Variants in MYO18B observed in about 807,000 individuals in gnomAD.
MYO18B encodes myosin XVIIIB, also known as unconventional myosin-XVIIIb.
Under a neutral mutation model 273.0 loss-of-function variants are expected in MYO18B, and 204 were observed. The ratio of observed to expected loss-of-function variants is 0.75; its 90% CI spans 0.67 to 0.84. The LOEUF is 0.84. Among genes scored for constraint, MYO18B ranks in the 40% least tolerant of loss-of-function variants. The pLI is 0.00. For synonymous variants in MYO18B, 1,330 were observed against 1,305.7 expected (o/e 1.02, Z -0.40); for missense variants, 3,212 against 3,287.6 (o/e 0.98, Z 0.56).
intron 34 of MYO18B, among the ~76,000 whole-genome samples, chr22:25,936,174 CG>C (rs921013712): frequency 1.3e-5 from 2 of 152,082 alleles, no homozygotes; most frequent in African/African-American, 4.8e-5. Context: ...AGACGGGGAT[CG>C]GGGAGGGCCT....
At chr22:25,807,571 T>C (rs796164460) in intron 12 of MYO18B, among the ~76,000 whole-genome samples, 7 of 152,286 alleles carry the variant, frequency 4.6e-5, no homozygotes, top group African/African-American at 1.7e-4. Context: ...CCAGGCTTCA[T>C]GTGGTCTCAG....
At chr22:25,754,975 G>A (rs969772952) in intron 1 of MYO18B, among the ~76,000 whole-genome samples, 21 of 152,318 alleles carry the variant, frequency 1.4e-4, no homozygotes, top group African/African-American at 4.8e-4. Flanking sequence ...GCCAGGCCTG[G>A]GCTGGAGAGG....
At chr22:25,761,967 C>A (rs1046098305) in intron 2 of MYO18B, among the ~76,000 whole-genome samples, 2 of 152,122 alleles carry the variant, frequency 1.3e-5, no homozygotes, top group African/African-American at 4.8e-5. Flanking sequence ...ACTAAAAATA[C>A]AAAAAATTAA....
In MYO18B at chr22:25,921,405, G is replaced by T. The variant is rs369683570; in HGVS notation, c.5513G>T (p.Ser1838Ile). 2 of 1,600,862 alleles carry T rather than the reference G, an allele frequency of 1.2e-6. No homozygotes were observed. The highest frequency in any genetic ancestry group is 1.3e-5 in the African/African-American group (1 of 74,710). The part of the protein sequence containing the change: ...VSKEELEKVH[S>I]QLEQSEAKCE... Reference sequence around the variant, plus strand: ...AAGGAGGAGCTGGAGAAAGTGCACAGCCAGGTGGGTGTCACGGGATCCCCT... The same window carrying T: ...AAGGAGGAGCTGGAGAAAGTGCACATCCAGGTGGGTGTCACGGGATCCCCT... Residue 1838 changes from serine to isoleucine, a missense_variant, in exon 34 of 44, where the codon AGC becomes ATC. Transcript: ENST00000335473.
chr22:25,786,063 G>A (rs1336677124), intron 11 of MYO18B, among the ~76,000 whole-genome samples: 1 of 152,134 alleles, frequency 6.6e-6, no homozygotes, highest in Admixed American at 6.5e-5. Context: ...TGGTTCACTG[G>A]TTTGATATTT....
the MYO18B span, among the ~76,000 whole-genome samples, chr22:26,043,323 G>A: frequency 6.6e-6 from 1 of 152,012 alleles, no homozygotes; most frequent in Non-Finnish European, 1.5e-5. Flanking sequence ...TATTTAGACT[G>A]TTTCCAGTTT....
chr22:25,873,195 C>T (rs915396273), intron 22 of MYO18B, among the ~76,000 whole-genome samples: 1 of 152,204 alleles, frequency 6.6e-6, no homozygotes, highest in Non-Finnish European at 1.5e-5. Context: ...ATTCCTGTTC[C>T]CTGCAGTCTA....
At chr22:26,052,417 G>A in the MYO18B span, among the ~76,000 whole-genome samples, 150 of 152,260 alleles carry the variant, frequency 9.9e-4, no homozygotes, top group African/African-American at 3.3e-3. Context: ...TTATAGGTTG[G>A]CCTGTTGCTG....
intron 40 of MYO18B, among the ~76,000 whole-genome samples, chr22:25,993,160 GC>G (rs1468103751): frequency 6.6e-6 from 1 of 152,046 alleles, no homozygotes; most frequent in Non-Finnish European, 1.5e-5. Context: ...GCTACTGCAG[GC>G]CACAGGTGGA....
chr22:25,839,851 A>G (rs946806683), intron 17 of MYO18B, among the ~76,000 whole-genome samples: 2 of 152,214 alleles, frequency 1.3e-5, no homozygotes, highest in African/African-American at 4.8e-5. Flanking sequence ...GCTCAACTGC[A>G]CTGTTGGCGA....
At chr22:26,054,481 C>T in the MYO18B span, among the ~76,000 whole-genome samples, 1 of 152,188 alleles carries the variant, frequency 6.6e-6, no homozygotes, top group Non-Finnish European at 1.5e-5. Context: ...AATGAGCTCT[C>T]CTCTGTGAAC....
At position 25,921,413 on chromosome 22, in the gene MYO18B, G is replaced by T. The variant is rs758672103; in HGVS notation, c.5517+4G>T. ...GCTGGAGAAAGTGCACAGCCAGGTG[G>T]GTGTCACGGGATCCCCTTGAGAATC... is the stretch of plus-strand genomic sequence containing the variant. On this transcript the variant is annotated splice_donor_region_variant and intron_variant, in intron 34 of 43. Transcript: ENST00000335473. The T allele has an allele frequency of 2.6e-5, 41 of 1,598,896 alleles. No individual in the cohort carries two copies. In the Admixed American group the frequency reaches 3.6e-4, roughly 14 times the overall value.
Position 26,027,026 on chromosome 22 carries a change from G to A in MYO18B, c.7052G>A (p.Cys2351Tyr). ...AAGTCGAAAACCCAATTCAGTTCCT[G>A]CGAGTCCCTCTTAGAATCCAGACCG... ...PEKSKTQFSS[C>Y]ESLLESRPSM... is the part of the protein sequence containing the mutation. The change falls in exon 43 of 44, where the codon TGC becomes TAC. Residue 2351 changes from cysteine to tyrosine, a missense_variant. Physicochemically the swap from Cys to Tyr is radical, Grantham distance 194. Coordinates refer to ENST00000335473, the MANE Select transcript of MYO18B (RefSeq NM_032608.7). This position sits in a 1 kb window ranked among gnomAD's most constrained non-coding sequence, Gnocchi z 4.1. 3 of 1,613,980 alleles carry A rather than the reference G, an allele frequency of 1.9e-6. No individual in the cohort carries two copies. Among genetic ancestry groups the A allele is most frequent in the Non-Finnish European group, 1.7e-6 (2 of 1,179,908 alleles).
At position 26,030,964 on chromosome 22, in the gene MYO18B, G is replaced by A. The variant is rs1936644421; in HGVS notation, c.*534G>A. The A allele has an allele frequency of 5.0e-6, 2 of 398,466 alleles. No homozygotes were observed. Among genetic ancestry groups the A allele is most frequent in the East Asian group, 3.6e-5 (1 of 28,068 alleles). 24.7% of individuals were successfully genotyped at this position (398,466 alleles called of 1,614,324 possible). ...TTCTCTATCCTGTGTATGTATAAGTGTGTACAAGCATTCAAGAAACTGATG... is the reference window on the plus strand; with the variant it reads ...TTCTCTATCCTGTGTATGTATAAGTATGTACAAGCATTCAAGAAACTGATG... On this transcript the variant is annotated 3_prime_UTR_variant, in exon 44 of 44. Transcript: ENST00000335473.
At chr22:26,045,891 G>C in the MYO18B span, among the ~76,000 whole-genome samples, 16 of 152,340 alleles carry the variant, frequency 1.1e-4, no homozygotes, top group East Asian at 3.1e-3. Context: ...CTGGGCTTCT[G>C]TGAGTGTTTG....
intron 34 of MYO18B, among the ~76,000 whole-genome samples, chr22:25,931,560 G>A (rs1030230242): frequency 3.3e-5 from 5 of 152,220 alleles, no homozygotes; most frequent in Non-Finnish European, 5.9e-5. Flanking sequence ...CAGTGTGTGG[G>A]AGTGTGACTG....
chr22:25,911,065 T>C lies in MYO18B; in HGVS notation c.5364+15T>C, dbSNP rs762307264. ...TCTGTGACCAGGTAAGGGGGAGACA[T>C]TGGCAGACATTCAGAGGAGTATCTC... is the stretch of plus-strand genomic sequence containing the variant. On this transcript the variant is annotated intron_variant, in intron 33 of 43. Coordinates refer to ENST00000335473, the MANE Select transcript of MYO18B (RefSeq NM_032608.7). 13 of 1,570,096 alleles carry C rather than the reference T, an allele frequency of 8.3e-6. No homozygotes were observed. The highest frequency in any genetic ancestry group is 1.1e-5 in the Non-Finnish European group (13 of 1,150,668).
chr22:25,860,711 A>T (rs893597355), intron 21 of MYO18B, among the ~76,000 whole-genome samples: 1 of 152,032 alleles, frequency 6.6e-6, no homozygotes, highest in African/African-American at 2.4e-5. Context: ...CAGTACTTTT[A>T]AATTTATTTT....
At chr22:25,854,975 A>C (rs1430840816) in intron 21 of MYO18B, among the ~76,000 whole-genome samples, 1 of 152,156 alleles carries the variant, frequency 6.6e-6, no homozygotes, top group Admixed American at 6.5e-5. Flanking sequence ...TCGGGGGTAC[A>C]CATGCAGGTT....
Sources: gnomAD v4.1 joint callset for allele counts (sites outside exome capture counted in the v4.1 genomes callset) on GRCh38, gnomAD v4.1.1 for gene constraint, Gnocchi (gnomAD v3.1) non-coding constraint, MANE v1.5 for transcripts, NCBI Gene and HGNC (gene_info 2026-07-23, HGNC 2026-07-21) for gene names.